Variants in NRG1 observed in about 807,000 individuals in gnomAD.
NRG1 encodes the protein pro-neuregulin-1, membrane-bound isoform.
A neutral mutation model predicts 63.8 loss-of-function variants in NRG1; 18 were observed. That is an observed-to-expected ratio of 0.28 (90% CI 0.19 to 0.42). The LOEUF (loss-of-function observed/expected upper bound fraction) is 0.42. Among genes scored for constraint, NRG1 ranks in the 10% least tolerant of loss-of-function variants. The pLI is 1.00. For synonymous variants in NRG1, 302 were observed against 301.3 expected (o/e 1.00, Z -0.02); for missense variants, 762 against 814.7 (o/e 0.94, Z 0.79).
At chr8:32,238,682 A>G (rs1343199553) in intron 1 of NRG1, among the ~76,000 whole-genome samples, 1 of 152,124 alleles carries the variant, frequency 6.6e-6, no homozygotes, top group Non-Finnish European at 1.5e-5. Flanking sequence ...AGAGATGACA[A>G]AGTTATCAGT....
At chr8:31,867,276 G>A (rs1051871564) in intron 1 of NRG1, among the ~76,000 whole-genome samples, 1 of 152,120 alleles carries the variant, frequency 6.6e-6, no homozygotes, top group Admixed American at 6.6e-5. Flanking sequence ...ATTAACCTTG[G>A]GGAAAGGTGA....
intron 1 of NRG1, among the ~76,000 whole-genome samples, chr8:31,833,857 A>G (rs759592231): frequency 1.3e-5 from 2 of 152,190 alleles, no homozygotes; most frequent in Non-Finnish European, 2.9e-5. Context: ...AACAAGCTCA[A>G]ATTTTAACAG....
rs1563421112 is a variant in NRG1 at position 32,407,327 on chromosome 8, A to ATG, written c.38-188500_38-188499insGT. Among the ~76,000 whole-genome samples the ATG allele has an allele frequency of 4.6e-5, 5 of 108,366 alleles. No individual in the cohort carries two copies. The South Asian group carries it at 1.4e-3, about 31-fold the overall frequency. The allele number at this position is 108,366 out of a possible 152,430, so 71.1% of individuals were successfully genotyped here. ...ATATATATATATATATATTATATAT[A>ATG]TATATGGCCAACCATATATCTATTA... is the stretch of plus-strand genomic sequence containing the variant. On this transcript the variant is annotated intron_variant, in intron 1 of 10. Transcript: ENST00000519301.
At chr8:32,024,858 T>G (rs974058354) in intron 1 of NRG1, among the ~76,000 whole-genome samples, 31 of 152,212 alleles carry the variant, frequency 2.0e-4, no homozygotes, top group African/African-American at 7.5e-4. Flanking sequence ...AGTAAGCAAA[T>G]TAATTCAGTT....
intron 1 of NRG1, among the ~76,000 whole-genome samples, chr8:31,652,944 C>T (rs1243353995): frequency 2.0e-5 from 2 of 102,498 alleles, no homozygotes; most frequent in Non-Finnish European, 4.2e-5. Context: ...CCTTCCCTTC[C>T]TTCCTCTCTT....
At chr8:32,689,277 G>A (rs557096786) in intron 5 of NRG1, among the ~76,000 whole-genome samples, 64 of 150,972 alleles carry the variant, frequency 4.2e-4, no homozygotes, top group Non-Finnish European at 8.1e-4. Flanking sequence ...AACTGGGATC[G>A]TGGCAACAAT....
chr8:32,194,876 GA>G lies in NRG1; in HGVS notation c.38-400943del, dbSNP rs796375817. 2.0e-3 allele frequency among the ~76,000 whole-genome samples: 300 copies of G among 150,302 alleles called. 2 individuals carry two copies. The highest frequency in any genetic ancestry group is 6.8e-3 in the African/African-American group (279 of 41,020). On this transcript the variant is annotated intron_variant, in intron 1 of 10. Coordinates refer to the NRG1 transcript ENST00000519301. ...CAAGGATGAAGGTTATTCTTTAGGAGAAAAAAAAATTGTAACATACATTTTT... is the reference window on the plus strand; with the variant it reads ...CAAGGATGAAGGTTATTCTTTAGGAGAAAAAAAATTGTAACATACATTTTT...
chr8:32,358,767 A>G (rs17634100), intron 1 of NRG1, among the ~76,000 whole-genome samples: 8,564 of 152,236 alleles, frequency 0.056, 316 homozygotes, highest in Middle Eastern at 0.099. Flanking sequence ...AGGAGACAAT[A>G]AGATTACCCA....
intron 1 of NRG1, among the ~76,000 whole-genome samples, chr8:31,924,615 T>C (rs1173298190): frequency 2.2e-5 from 1 of 44,856 alleles, no homozygotes; most frequent in Non-Finnish European, 4.5e-5. Context: ...TATAAATTTG[T>C]GCCTTTTTTT....
chr8:31,908,087 A>AT (rs1832671959), intron 1 of NRG1, among the ~76,000 whole-genome samples: 1 of 152,202 alleles, frequency 6.6e-6, no homozygotes, highest in Non-Finnish European at 1.5e-5. Flanking sequence ...GGATCTTCAA[A>AT]AAGGCAGCAA....
intron 1 of NRG1, among the ~76,000 whole-genome samples, chr8:31,952,930 CTTTTAA>C (rs780333047): frequency 6.9e-4 from 105 of 152,252 alleles, no homozygotes; most frequent in Middle Eastern, 3.4e-3. Flanking sequence ...AAAGGCTAGA[CTTTTAA>C]TTTTATGCAG....
At chr8:32,412,727 C>G (rs1815282499) in intron 1 of NRG1, among the ~76,000 whole-genome samples, 1 of 151,652 alleles carries the variant, frequency 6.6e-6, no homozygotes, top group Admixed American at 6.6e-5. Flanking sequence ...GTACTGAATA[C>G]TGGAGGCAAT....
At chr8:31,924,165 C>A in intron 1 of NRG1, among the ~76,000 whole-genome samples, 1 of 151,512 alleles carries the variant, frequency 6.6e-6, no homozygotes, top group South Asian at 2.1e-4. Flanking sequence ...CCAGCCTGAC[C>A]AATATGGTGA....
At chr8:32,579,642 G>A (rs944575107) in intron 1 of NRG1, among the ~76,000 whole-genome samples, 1 of 152,130 alleles carries the variant, frequency 6.6e-6, no homozygotes, top group Non-Finnish European at 1.5e-5. Context: ...CTAAGGTCCT[G>A]TGTATTAATT....
At chr8:31,675,524 C>T (rs1275644715) in intron 1 of NRG1, among the ~76,000 whole-genome samples, 2 of 152,146 alleles carry the variant, frequency 1.3e-5, no homozygotes, top group African/African-American at 2.4e-5. Flanking sequence ...ATTTTCCCTA[C>T]TGAATTGACA....
At chr8:32,240,690 C>A (rs1848010614) in intron 1 of NRG1, among the ~76,000 whole-genome samples, 1 of 151,736 alleles carries the variant, frequency 6.6e-6, no homozygotes, top group Non-Finnish European at 1.5e-5. Context: ...GTACTATTGT[C>A]CTGTGAATTA....
intron 1 of NRG1, among the ~76,000 whole-genome samples, chr8:32,164,315 A>G (rs1397897487): frequency 1.6e-4 from 24 of 152,124 alleles, no homozygotes; most frequent in Non-Finnish European, 7.3e-5. Context: ...TGAATTTGGA[A>G]TGCTTCCTGC....
chr8:31,756,960 C>A (rs559606405), intron 1 of NRG1, among the ~76,000 whole-genome samples: 1 of 152,086 alleles, frequency 6.6e-6, no homozygotes, highest in East Asian at 1.9e-4. Context: ...TTAACCAAAC[C>A]GTTGAAGACA....
At chr8:31,721,242 ATG>A (rs1351068227) in intron 1 of NRG1, among the ~76,000 whole-genome samples, 2 of 152,126 alleles carry the variant, frequency 1.3e-5, no homozygotes, top group East Asian at 3.9e-4. Context: ...ATAATTGCAA[ATG>A]TGTTTATTAT....
Sources: allele counts gnomAD v4.1 joint callset (sites outside exome capture counted in the v4.1 genomes callset), GRCh38; gene constraint gnomAD v4.1.1; transcripts MANE v1.5; gene names NCBI Gene and HGNC (gene_info 2026-07-23, HGNC 2026-07-21).